RNF138: variants seen among roughly 807,000 people sequenced by gnomAD.
RNF138 encodes the protein ring finger protein 138.
In RNF138, 12 loss-of-function variants were observed where a neutral mutation model predicts 31.0. That is an observed-to-expected ratio of 0.39 (90% CI 0.25 to 0.63). The LOEUF is 0.63. Ranked by LOEUF, RNF138 falls within the 20% of genes least tolerant of loss-of-function variation. RNF138 has a pLI of 0.52. For missense variants in RNF138, 192 were observed against 300.1 expected (o/e 0.64, Z 2.66); for synonymous variants, 105 against 99.5 (o/e 1.06, Z -0.33).
chr18:32,097,979 A>T lies in RNF138; in HGVS notation c.110+5093A>T, dbSNP rs375835981. 1.9e-3 allele frequency among the ~76,000 whole-genome samples: 211 copies of T among 108,810 alleles called. 1 individual carries two copies. Among genetic ancestry groups the T allele is most frequent in the South Asian group, 3.9e-3 (13 of 3,362 alleles). 71.4% of individuals were successfully genotyped at this position (108,810 alleles called of 152,430 possible). ...GTGTGTGTGTGTGTGTGTGTGTGTT[A>T]TTTTTGTTTGTTTGTTTGTTTGTTT... On this transcript the variant is annotated intron_variant, in intron 2 of 7. Transcript: ENST00000261593.
chr18:32,112,925 C>T (rs922832687), intron 3 of RNF138, among the ~76,000 whole-genome samples: 1 of 152,194 alleles, frequency 6.6e-6, no homozygotes, highest in South Asian at 2.1e-4. Context: ...GTTGCTATTT[C>T]ATGCATTCAC....
chr18:32,117,624 A>G (rs2040238723), intron 4 of RNF138, among the ~76,000 whole-genome samples: 1 of 152,232 alleles, frequency 6.6e-6, no homozygotes. Context: ...TAAAACAGAC[A>G]TTATTTTTTC....
intron 2 of RNF138, among the ~76,000 whole-genome samples, chr18:32,104,579 T>TTTG (rs2144581470): frequency 6.6e-6 from 1 of 151,796 alleles, no homozygotes; most frequent in Non-Finnish European, 1.5e-5. Flanking sequence ...TACAGGGAGG[T>TTTG]TTGATGCAAG....
At chr18:32,113,719 A>G (rs2040170440) in intron 3 of RNF138, 26 bp from the exon 4 acceptor site, 1 of 1,079,006 alleles carries the variant, frequency 9.3e-7, no homozygotes, top group East Asian at 2.7e-5. Flanking sequence ...ATTTTAAATT[A>G]AAAGTCACAT....
intron 2 of RNF138, among the ~76,000 whole-genome samples, chr18:32,102,708 C>G (rs371512456): frequency 2.6e-5 from 4 of 151,338 alleles, no homozygotes; most frequent in African/African-American, 7.3e-5. Context: ...TCTCGGCTCA[C>G]TGAAACCTCC....
chr18:32,127,241 G>A (rs750670247), intron 7 of RNF138, among the ~76,000 whole-genome samples: 14 of 152,164 alleles, frequency 9.2e-5, no homozygotes, highest in Admixed American at 2.0e-4. Context: ...AGGGAGCTTA[G>A]TTATCAGGCA....
intron 4 of RNF138, among the ~76,000 whole-genome samples, chr18:32,120,260 T>C (rs1186593069): frequency 6.6e-6 from 1 of 152,170 alleles, no homozygotes; most frequent in Non-Finnish European, 1.5e-5. Flanking sequence ...TCCCCATTAA[T>C]AGTTTTACTC....
intron 2 of RNF138, among the ~76,000 whole-genome samples, chr18:32,105,442 A>G (rs1002788435): frequency 2.0e-4 from 31 of 152,236 alleles, no homozygotes; most frequent in African/African-American, 7.0e-4. Context: ...TATACTACAG[A>G]GTCCAGAAAT....
intron 1 of RNF138, chr18:32,092,494 A>C (rs2039710337): frequency 2.4e-6 from 1 of 413,612 alleles, no homozygotes; most frequent in African/African-American, 2.2e-5. Flanking sequence ...GGGCGGGCCC[A>C]CGGCATGCTG....
chr18:32,103,779 T>C (rs1033595771), intron 2 of RNF138, among the ~76,000 whole-genome samples: 2 of 151,784 alleles, frequency 1.3e-5, no homozygotes, highest in Admixed American at 6.6e-5. Context: ...CTGGCTAACA[T>C]GGTGAAACCC....
intron 4 of RNF138, among the ~76,000 whole-genome samples, chr18:32,114,864 A>C (rs2040189655): frequency 1.3e-5 from 2 of 150,814 alleles, no homozygotes; most frequent in South Asian, 4.2e-4. Context: ...TTCCCTACTC[A>C]GTTGAAATTT....
At chr18:32,097,890 GTATATGTGTATGTATGTGTATT>G (rs1465711793) in intron 2 of RNF138, among the ~76,000 whole-genome samples, 1 of 151,786 alleles carries the variant, frequency 6.6e-6, no homozygotes, top group Non-Finnish European at 1.5e-5. Flanking sequence ...ATATGTGTAT[GTATATGTGTATGTATGTGTATT>G]TGTGTGTGTG....
intron 7 of RNF138, 101 bp from the exon 8 acceptor site, chr18:32,129,018 G>A (rs684359): frequency 0.93 from 710,952 of 765,210 alleles, 330,547 homozygotes; most frequent in East Asian, 1. Flanking sequence ...TGTAATGTGT[G>A]TCAAGATGTG....
chr18:32,122,124 T>C (rs4239373), intron 4 of RNF138, among the ~76,000 whole-genome samples: 99,964 of 151,886 alleles, frequency 0.66, 33,151 homozygotes, highest in East Asian at 0.75. Flanking sequence ...GCCTCAGCCT[T>C]GCAAAGTGCT....
Position 32,092,519 on chromosome 18 carries a change from C to T in RNF138, c.-77-181C>T, listed in dbSNP as rs1210791852. 7 of 463,932 alleles carry T rather than the reference C, an allele frequency of 1.5e-5. No homozygotes were observed. The East Asian group carries it at 2.2e-4, about 15-fold the overall frequency. 28.7% of individuals were successfully genotyped at this position (463,932 alleles called of 1,614,324 possible). On this transcript the variant is annotated intron_variant, in intron 1 of 7. Coordinates refer to ENST00000261593, the MANE Select transcript of RNF138 (RefSeq NM_016271.5). ...ACGGCATGCTGCGAGCCCAGCCTCCCGCCAAGCACCGTCCCCCATCCAGCC... is the reference window on the plus strand; with the variant it reads ...ACGGCATGCTGCGAGCCCAGCCTCCTGCCAAGCACCGTCCCCCATCCAGCC...
chr18:32,121,011 G>A (rs919191417), intron 4 of RNF138, among the ~76,000 whole-genome samples: 4 of 151,778 alleles, frequency 2.6e-5, no homozygotes, highest in Non-Finnish European at 4.4e-5. Flanking sequence ...TGGCATGGCC[G>A]ATAGACCCAG....
chr18:32,097,274 A>G (rs1356407103), intron 2 of RNF138, among the ~76,000 whole-genome samples: 2 of 152,204 alleles, frequency 1.3e-5, no homozygotes, highest in East Asian at 3.8e-4. Flanking sequence ...AATTACATAT[A>G]ACAAGTTTGA....
At chr18:32,099,188 G>A (rs1457392111) in intron 2 of RNF138, among the ~76,000 whole-genome samples, 7 of 151,976 alleles carry the variant, frequency 4.6e-5, no homozygotes, top group South Asian at 2.1e-4. Context: ...CTGAAGATAC[G>A]GGCCTTTTCA....
intron 4 of RNF138, among the ~76,000 whole-genome samples, chr18:32,121,885 T>G (rs914001618): frequency 1.3e-5 from 2 of 152,206 alleles, no homozygotes; most frequent in Admixed American, 6.5e-5. Context: ...TACTTTTTTT[T>G]CAGACTGAGT....
Sources: allele counts gnomAD v4.1 joint callset (sites outside exome capture counted in the v4.1 genomes callset), GRCh38; gene constraint gnomAD v4.1.1; transcripts MANE v1.5; gene names NCBI Gene and HGNC (gene_info 2026-07-23, HGNC 2026-07-21).